The following NCKAP5 variants were observed in gnomAD, a reference collection of about 807,000 sequenced individuals.
The protein encoded by NCKAP5 is NCK associated protein 5, also known as nck-associated protein 5.
NCKAP5 carries 92 observed loss-of-function variants against 167.0 expected under a neutral mutation model. The ratio of observed to expected loss-of-function variants is 0.55; its 90% CI spans 0.47 to 0.66. The LOEUF is 0.66. Ranked by LOEUF, NCKAP5 falls within the 30% of genes least tolerant of loss-of-function variation. The pLI is 0.00. For synonymous variants in NCKAP5, 891 were observed against 877.4 expected (o/e 1.02, Z -0.27); for missense variants, 2,378 against 2,315.0 (o/e 1.03, Z -0.56).
intron 3 of NCKAP5, among the ~76,000 whole-genome samples, chr2:133,470,013 A>T (rs1431297603): frequency 6.6e-6 from 1 of 152,272 alleles, no homozygotes; most frequent in South Asian, 2.1e-4. Context: ...TCTCAGCTCA[A>T]CAAAGTCATT....
intron 6 of NCKAP5, among the ~76,000 whole-genome samples, chr2:133,100,793 C>T (rs180825937): frequency 6.6e-6 from 1 of 152,034 alleles, no homozygotes; most frequent in African/African-American, 2.4e-5. Flanking sequence ...AAAATATTTC[C>T]TTACAATGGT....
chr2:132,676,215 C>G (rs1001137935), intron 19 of NCKAP5, among the ~76,000 whole-genome samples: 1 of 151,092 alleles, frequency 6.6e-6, no homozygotes, highest in African/African-American at 2.4e-5. Flanking sequence ...TAACAAAATA[C>G]CCAGTATGTA....
intron 4 of NCKAP5, among the ~76,000 whole-genome samples, chr2:133,234,314 A>G (rs1261645193): frequency 6.6e-6 from 1 of 152,218 alleles, no homozygotes; most frequent in Non-Finnish European, 1.5e-5. Flanking sequence ...GCATGGAGCA[A>G]ATCAGCAACA....
chr2:133,089,488 C>G (rs1383520070), intron 6 of NCKAP5, among the ~76,000 whole-genome samples: 1 of 152,176 alleles, frequency 6.6e-6, no homozygotes, highest in Non-Finnish European at 1.5e-5. Flanking sequence ...AAGATGTCTT[C>G]TTGTTAACTT....
chr2:132,818,472 T>A (rs912771964), intron 11 of NCKAP5, among the ~76,000 whole-genome samples: 1 of 152,176 alleles, frequency 6.6e-6, no homozygotes, highest in Admixed American at 6.5e-5. Context: ...GGTCAGGGGT[T>A]TGAGACCAAC....
chr2:133,530,374 T>C (rs1685266918), intron 2 of NCKAP5, among the ~76,000 whole-genome samples: 1 of 152,206 alleles, frequency 6.6e-6, no homozygotes, highest in Non-Finnish European at 1.5e-5. Flanking sequence ...ATGTTGTCTG[T>C]TTGGAATTTT....
intron 2 of NCKAP5, among the ~76,000 whole-genome samples, chr2:133,542,894 CTTATTTATAA>C (rs1686347066): frequency 1.3e-5 from 2 of 152,082 alleles, no homozygotes; most frequent in African/African-American, 4.8e-5. Flanking sequence ...CTCTACTTTT[CTTATTTATAA>C]AATGGAAATA....
chr2:133,541,013 T>C (rs936201435), intron 2 of NCKAP5, among the ~76,000 whole-genome samples: 2 of 150,808 alleles, frequency 1.3e-5, no homozygotes, highest in African/African-American at 4.8e-5. Flanking sequence ...GTCTTAGTGT[T>C]ATTTTTAAAG....
chr2:132,689,262 G>A (rs1468387344), intron 19 of NCKAP5, among the ~76,000 whole-genome samples: 1 of 152,182 alleles, frequency 6.6e-6, no homozygotes, highest in Non-Finnish European at 1.5e-5. Flanking sequence ...ATCCACAGAA[G>A]GATGAAGGGG....
chr2:133,512,828 G>A (rs1055586765), intron 3 of NCKAP5, among the ~76,000 whole-genome samples: 6 of 152,038 alleles, frequency 3.9e-5, no homozygotes, highest in African/African-American at 9.7e-5. Flanking sequence ...TCCCTCTGAC[G>A]CTTCAAACTA....
At chr2:133,396,801 C>T (rs1687758840) in intron 3 of NCKAP5, among the ~76,000 whole-genome samples, 1 of 152,154 alleles carries the variant, frequency 6.6e-6, no homozygotes, top group Non-Finnish European at 1.5e-5. Context: ...CAACCCATAA[C>T]ATACAGTACT....
At chr2:132,738,925 A>G (rs1322760887) in intron 16 of NCKAP5, among the ~76,000 whole-genome samples, 1 of 152,136 alleles carries the variant, frequency 6.6e-6, no homozygotes, top group Admixed American at 6.6e-5. Flanking sequence ...CCATGACCCA[A>G]ACACCCCCAC....
intron 5 of NCKAP5, among the ~76,000 whole-genome samples, chr2:133,207,919 C>T (rs185995902): frequency 6.6e-6 from 1 of 152,154 alleles, no homozygotes; most frequent in African/African-American, 2.4e-5. Flanking sequence ...TAAGTATGCG[C>T]TACACATAGT....
intron 11 of NCKAP5, among the ~76,000 whole-genome samples, chr2:132,837,168 G>GTACACC (rs1265031671): frequency 6.6e-6 from 1 of 152,126 alleles, no homozygotes; most frequent in Non-Finnish European, 1.5e-5. Flanking sequence ...CTGTCCTGTA[G>GTACACC]CTGTCCCCAC....
chr2:133,271,858 C>T (rs1158392445), intron 4 of NCKAP5, among the ~76,000 whole-genome samples: 1 of 152,134 alleles, frequency 6.6e-6, no homozygotes, highest in East Asian at 1.9e-4. Context: ...TTAAAAGACA[C>T]ATACTAAAAT....
rs191021964 is a variant in NCKAP5, at chr2:133,506,102, G to A, written c.69+11356C>T. 2.7e-3 allele frequency among the ~76,000 whole-genome samples: 404 copies of A among 152,226 alleles called. 5 individuals carry two copies. The Middle Eastern group carries it at 0.044, about 17-fold the overall frequency. On this transcript the variant is annotated intron_variant, in intron 3 of 19. Transcript: ENST00000409261. ...CTTACGCAGTTCTAATGCAGTGATC[G>A]ATCCACTAGACCACCCTCCCTGCAC...
intron 2 of NCKAP5, among the ~76,000 whole-genome samples, chr2:133,531,241 A>C (rs1013001598): frequency 3.9e-5 from 6 of 152,112 alleles, no homozygotes; most frequent in African/African-American, 1.4e-4. Flanking sequence ...TATTTTATTA[A>C]TAACTTATTT....
intron 8 of NCKAP5, among the ~76,000 whole-genome samples, chr2:132,920,266 G>A (rs1186247012): frequency 6.6e-6 from 1 of 152,068 alleles, no homozygotes; most frequent in East Asian, 1.9e-4. Context: ...ATAGTTATGT[G>A]ACCAAGGGCA....
chr2:133,073,010 A>G (rs943225950), intron 6 of NCKAP5, among the ~76,000 whole-genome samples: 6 of 152,204 alleles, frequency 3.9e-5, no homozygotes, highest in African/African-American at 1.4e-4. Flanking sequence ...AACTCTAAAA[A>G]TAATAACAAT....
Sources: allele counts gnomAD v4.1 joint callset (sites outside exome capture counted in the v4.1 genomes callset), GRCh38; gene constraint gnomAD v4.1.1; transcripts MANE v1.5; gene names NCBI Gene and HGNC (gene_info 2026-07-23, HGNC 2026-07-21).